EXT2: variants seen among roughly 807,000 people sequenced by gnomAD.
The protein encoded by EXT2 is exostosin glycosyltransferase 2, also known as exostosin-2.
EXT2 carries 53 observed loss-of-function variants against 81.6 expected under a neutral mutation model. That is an observed-to-expected ratio of 0.65 (90% CI 0.52 to 0.82). The LOEUF is 0.82. EXT2 is among the 40% of genes least tolerant of loss of function. The pLI is 0.00. For missense variants in EXT2, 774 were observed against 910.2 expected, an observed-to-expected ratio of 0.85 and a Z score of 1.93; for synonymous variants, 320 against 340.0, an observed-to-expected ratio of 0.94 and a Z score of 0.65.
rs75900567 is a variant in EXT2, at chr11:44,142,826, G to A, written c.1173+12688G>A. On this transcript the variant is annotated intron_variant, in intron 7 of 13. Transcript: ENST00000533608. ...GCAGTGCATAGGGAATATTAGACCTGATCCTGCTCCCTTCAGCTTAGAATA... is the reference window on the plus strand; with the variant it reads ...GCAGTGCATAGGGAATATTAGACCTAATCCTGCTCCCTTCAGCTTAGAATA... Among the ~76,000 whole-genome samples the A allele has an allele frequency of 3.7e-3, 559 of 152,258 alleles. 3 individuals are homozygous for A. Among genetic ancestry groups the A allele is most frequent in the African/African-American group, 0.013 (538 of 41,530 alleles).
intron 7 of EXT2, among the ~76,000 whole-genome samples, chr11:44,162,556 A>G (rs964672119): frequency 6.7e-6 from 1 of 148,814 alleles, no homozygotes; most frequent in Non-Finnish European, 1.5e-5. Flanking sequence ...AGCCTGGGGG[A>G]CAGGGTGAGA....
intron 10 of EXT2, among the ~76,000 whole-genome samples, chr11:44,218,954 T>C (rs1255623010): frequency 6.6e-6 from 1 of 151,844 alleles, no homozygotes; most frequent in East Asian, 1.9e-4. Flanking sequence ...CCTGCCACCA[T>C]GCCCAGCTGA....
chr11:44,184,085 T>G (rs1955274216), intron 8 of EXT2, among the ~76,000 whole-genome samples: 1 of 152,258 alleles, frequency 6.6e-6, no homozygotes, highest in African/African-American at 2.4e-5. Flanking sequence ...TTATTTTGCT[T>G]CTTCAACATT....
At chr11:44,240,198 C>G (rs1329626402) in intron 13 of EXT2, among the ~76,000 whole-genome samples, 2 of 152,128 alleles carry the variant, frequency 1.3e-5, no homozygotes, top group African/African-American at 4.8e-5. Context: ...TGTCCAGAGA[C>G]AGCAGTTGAC....
At chr11:44,155,821 A>G (rs188837766) in intron 7 of EXT2, among the ~76,000 whole-genome samples, 106 of 152,260 alleles carry the variant, frequency 7.0e-4, no homozygotes, top group African/African-American at 2.5e-3. Flanking sequence ...TGGACTTGCT[A>G]TTACCGGTGG....
At chr11:44,224,821 G>A (rs540590725) in intron 10 of EXT2, among the ~76,000 whole-genome samples, 116 of 152,292 alleles carry the variant, frequency 7.6e-4, no homozygotes, top group African/African-American at 2.6e-3. Context: ...TTGGTGGACA[G>A]AGCTAATATC....
chr11:44,199,449 G>A (rs573687651), intron 9 of EXT2, among the ~76,000 whole-genome samples: 1 of 152,340 alleles, frequency 6.6e-6, no homozygotes, highest in African/African-American at 2.4e-5. Flanking sequence ...GGAAGGCTGG[G>A]CCTCTCATTG....
At chr11:44,155,397 C>T (rs2135092699) in intron 7 of EXT2, among the ~76,000 whole-genome samples, 1 of 151,758 alleles carries the variant, frequency 6.6e-6, no homozygotes. Flanking sequence ...CTTATTTTTC[C>T]TTGCTTCTGT....
intron 7 of EXT2, among the ~76,000 whole-genome samples, chr11:44,141,274 GA>G (rs1954641850): frequency 6.6e-6 from 1 of 152,164 alleles, no homozygotes; most frequent in African/African-American, 2.4e-5. Flanking sequence ...TAAGTGAAAG[GA>G]AGAAAATTTT....
intron 13 of EXT2, among the ~76,000 whole-genome samples, chr11:44,238,169 T>A (rs2135271769): frequency 6.6e-6 from 1 of 152,270 alleles, no homozygotes; most frequent in Admixed American, 6.5e-5. Flanking sequence ...AAGGGAGATA[T>A]GGAGGCTTCC....
intron 5 of EXT2, 38 bp from the exon 6 acceptor site, chr11:44,126,778 A>C: frequency 6.2e-7 from 1 of 1,614,028 alleles, no homozygotes; most frequent in Non-Finnish European, 8.5e-7. Context: ...GATCAGCAAA[A>C]CTAGTTTGTA....
intron 10 of EXT2, among the ~76,000 whole-genome samples, chr11:44,227,508 C>T (rs897917437): frequency 6.6e-6 from 1 of 152,202 alleles, no homozygotes; most frequent in African/African-American, 2.4e-5. Flanking sequence ...AGGTCAGTTG[C>T]ACAATGCACT....
Position 44,250,520 on chromosome 11 carries a change from T to C in EXT2, c.*6233T>C, listed in dbSNP as rs1271683374. On this transcript the variant is annotated 3_prime_UTR_variant, in exon 14 of 14. Coordinates refer to ENST00000533608, the MANE Select transcript of EXT2 (RefSeq NM_207122.2). ...CCCTCTTCCGGCCCCTATTTCTGCTTACCGTGTTACCAGAGAGCCTGGGGG... is the reference window on the plus strand; with the variant it reads ...CCCTCTTCCGGCCCCTATTTCTGCTCACCGTGTTACCAGAGAGCCTGGGGG... Among the ~76,000 whole-genome samples the C allele has an allele frequency of 6.6e-6, 1 of 152,234 alleles. No individual in the cohort carries two copies. Among genetic ancestry groups the C allele is most frequent in the Non-Finnish European group, 1.5e-5 (1 of 68,042 alleles).
At chr11:44,153,690 A>G (rs1224048363) in intron 7 of EXT2, among the ~76,000 whole-genome samples, 1 of 152,170 alleles carries the variant, frequency 6.6e-6, no homozygotes, top group East Asian at 1.9e-4. Context: ...ATTTCCTTCT[A>G]TTCCTAGTTT....
chr11:44,148,438 G>A (rs1371879426), intron 7 of EXT2, among the ~76,000 whole-genome samples: 2 of 152,156 alleles, frequency 1.3e-5, no homozygotes, highest in Non-Finnish European at 2.9e-5. Context: ...GAGTCTTGAA[G>A]TCACTGATTG....
Position 44,124,856 on chromosome 11 carries a change from G to T in EXT2, c.811G>T (p.Ala271Ser). ...TCCTGAGTACAGAGAGGACCTAGAAGCCCTCCAGGTCAAACATGGAGAGTC... is the reference window on the plus strand; with the variant it reads ...TCCTGAGTACAGAGAGGACCTAGAATCCCTCCAGGTCAAACATGGAGAGTC... ...LHPEYREDLE[A>S]LQVKHGESVL... The change falls in exon 5 of 14, where the codon GCC becomes TCC. Residue 271 changes from alanine to serine, a missense_variant. Physicochemically the swap from Ala to Ser is moderately conservative, Grantham distance 99 (BLOSUM62 1). Coordinates refer to ENST00000533608, the MANE Select transcript of EXT2 (RefSeq NM_207122.2). 1 of 1,614,052 alleles carries T rather than the reference G, an allele frequency of 6.2e-7. No individual in the cohort carries two copies. The highest frequency in any genetic ancestry group is 8.5e-7 in the Non-Finnish European group (1 of 1,180,020).
intron 7 of EXT2, among the ~76,000 whole-genome samples, chr11:44,156,824 T>A (rs1292304303): frequency 1.3e-5 from 2 of 152,210 alleles, no homozygotes; most frequent in Non-Finnish European, 2.9e-5. Context: ...GTATTTATTG[T>A]AGTCTCTGCA....
At chr11:44,208,855 G>A (rs1031104721) in intron 10 of EXT2, among the ~76,000 whole-genome samples, 1 of 152,204 alleles carries the variant, frequency 6.6e-6, no homozygotes, top group Admixed American at 6.5e-5. Flanking sequence ...TGCCTTCCCT[G>A]AGGATTTTAC....
chr11:44,144,252 C>A (rs776574898), intron 7 of EXT2: 1 of 1,598,280 alleles, frequency 6.3e-7, no homozygotes, highest in South Asian at 1.1e-5. Context: ...TTCAGCTCTT[C>A]ATGGAACCAG....
Sources: gnomAD v4.1 joint callset for allele counts (sites outside exome capture counted in the v4.1 genomes callset) on GRCh38, gnomAD v4.1.1 for gene constraint, MANE v1.5 for transcripts, NCBI Gene and HGNC (gene_info 2026-07-23, HGNC 2026-07-21) for gene names.